TIAM1: variants seen among roughly 807,000 people sequenced by gnomAD.
TIAM1 encodes rho guanine nucleotide exchange factor TIAM1.
In TIAM1, 65 loss-of-function variants were observed where a neutral mutation model predicts 163.5. The ratio of observed to expected loss-of-function variants is 0.40; its 90% CI spans 0.33 to 0.49. The LOEUF (loss-of-function observed/expected upper bound fraction) is 0.49, where lower values mean the gene tolerates loss of function less well. TIAM1 is among the 20% of genes least tolerant of loss of function. The probability of loss-of-function intolerance (pLI) is 0.77; values close to 1 mark genes in which losing one functional copy is unlikely to be tolerated. For missense variants in TIAM1, 1,789 were observed against 2,044.7 expected (o/e 0.87, Z 2.41); for synonymous variants, 833 against 810.1 (o/e 1.03, Z -0.48).
rs113557200 is a variant in TIAM1 at position 31,538,330 on chromosome 21, G to C, written c.-422+20597C>G. On this transcript the variant is annotated intron_variant, in intron 1 of 28. Transcript: ENST00000286827. ...GGTTGAGACAGAAGGAATGCATGAGGCCAGAAGTTTGAGACCAGCCTGGGC... is the reference window on the plus strand; with the variant it reads ...GGTTGAGACAGAAGGAATGCATGAGCCCAGAAGTTTGAGACCAGCCTGGGC... Among the ~76,000 whole-genome samples, 415 of 152,226 alleles carry C rather than the reference G, an allele frequency of 2.7e-3. 1 individual carries two copies. The highest frequency in any genetic ancestry group is 9.3e-3 in the African/African-American group (387 of 41,544).
intron 25 of TIAM1, among the ~76,000 whole-genome samples, chr21:31,128,099 T>C (rs1319763898): frequency 6.6e-6 from 1 of 152,258 alleles, no homozygotes; most frequent in African/African-American, 2.4e-5. Context: ...ACTGCAGACA[T>C]TCAGGCCATA....
intron 1 of TIAM1, among the ~76,000 whole-genome samples, chr21:31,516,349 T>C (rs997367415): frequency 6.6e-6 from 1 of 151,504 alleles, no homozygotes; most frequent in East Asian, 1.9e-4. Flanking sequence ...GAGGTGGAGG[T>C]TGCACTGAGC....
At chr21:31,267,993 T>A (rs2072880235) in intron 3 of TIAM1, among the ~76,000 whole-genome samples, 1 of 152,102 alleles carries the variant, frequency 6.6e-6, no homozygotes, top group Non-Finnish European at 1.5e-5. Flanking sequence ...AAGAGAAAAA[T>A]CTTCAAAGCT....
intron 10 of TIAM1, among the ~76,000 whole-genome samples, chr21:31,211,845 C>G (rs1238640152): frequency 6.6e-6 from 1 of 152,156 alleles, no homozygotes; most frequent in Non-Finnish European, 1.5e-5. Context: ...GCATTCTAGC[C>G]AGGATGTGGG....
At position 31,395,470 on chromosome 21, in the gene TIAM1, C is replaced by T. The variant is rs1468472967; in HGVS notation, c.-368-56048G>A. 6.6e-5 allele frequency among the ~76,000 whole-genome samples: 10 copies of T among 152,074 alleles called. No individual in the cohort carries two copies. Among genetic ancestry groups the T allele is most frequent in the Admixed American group, 6.5e-4 (10 of 15,270 alleles). On this transcript the variant is annotated intron_variant, in intron 2 of 28. Coordinates refer to the TIAM1 transcript ENST00000286827. The surrounding 1 kb of genome is among the most constrained non-coding windows in gnomAD (Gnocchi z 7.5). ...GCAGGGAAAATTGGACAAGAGGGGC[C>T]CTCGGAGACCGAGGTCATCTAAACA... is the stretch of plus-strand genomic sequence containing the variant.
chr21:31,551,376 C>G (rs1436131092), intron 1 of TIAM1, among the ~76,000 whole-genome samples: 2 of 151,866 alleles, frequency 1.3e-5, no homozygotes, highest in African/African-American at 4.8e-5. Flanking sequence ...TGCCATTGCA[C>G]TCCAGCCTGG....
At chr21:31,291,232 G>A (rs1039639070) in intron 2 of TIAM1, among the ~76,000 whole-genome samples, 7 of 152,228 alleles carry the variant, frequency 4.6e-5, no homozygotes, top group African/African-American at 1.7e-4. Flanking sequence ...CAGTTCTACA[G>A]TCTGGAAGAA....
chr21:31,543,494 A>AT (rs1233256035), intron 1 of TIAM1, among the ~76,000 whole-genome samples: 1 of 134,884 alleles, frequency 7.4e-6, no homozygotes, highest in Admixed American at 7.7e-5. Flanking sequence ...AAGCTAGACT[A>AT]TAACAACACA....
chr21:31,361,419 T>C (rs530919811), intron 2 of TIAM1, among the ~76,000 whole-genome samples: 4 of 152,180 alleles, frequency 2.6e-5, no homozygotes, highest in African/African-American at 7.2e-5. Context: ...AAAATTGTGA[T>C]TGAGGATGGG....
intron 2 of TIAM1, among the ~76,000 whole-genome samples, chr21:31,335,986 TGTTA>T (rs1569237663): frequency 6.6e-6 from 1 of 152,102 alleles, no homozygotes; most frequent in Non-Finnish European, 1.5e-5. Context: ...TCATGTATTC[TGTTA>T]GAGATCACAA....
In TIAM1 at chr21:31,251,916, T is replaced by C. The variant is rs2071830363; in HGVS notation, c.1237A>G (p.Ser413Gly). Reference sequence around the variant, plus strand: ...CCCGGAGAGCTCAGGGTGCCGCTGCTCTGCTCATCGCTGTGCGCCGAGCCG... The same window carrying C: ...CCCGGAGAGCTCAGGGTGCCGCTGCCCTGCTCATCGCTGTGCGCCGAGCCG... ...EAGSAHSDEQ[S>G]SGTLSSPGQS... is the part of the protein sequence containing the mutation. Residue 413 changes from serine to glycine, a missense_variant, in exon 5 of 28, where the codon AGC becomes GGC. By Grantham distance (56) the Ser-to-Gly change is moderately conservative (BLOSUM62 0). Transcript: ENST00000541036. The C allele has an allele frequency of 2.5e-6, 4 of 1,613,694 alleles. No individual in the cohort carries two copies. Among genetic ancestry groups the C allele is most frequent in the South Asian group, 2.2e-5 (2 of 91,070 alleles).
rs142053458 is a variant in TIAM1 at position 31,507,379 on chromosome 21, G to A, written c.-421-43344C>T. Among the ~76,000 whole-genome samples, 1,162 of 150,802 alleles carry A rather than the reference G, an allele frequency of 7.7e-3. 20 individuals carry two copies. Among genetic ancestry groups the A allele is most frequent in the African/African-American group, 0.026 (1,062 of 41,036 alleles). On this transcript the variant is annotated intron_variant, in intron 1 of 28. Transcript: ENST00000286827. ...GCCACCATGCCCCGCTAATTTTTTT[G>A]TATTCTTAGTAGAGATGGGGTTTCA... is the stretch of plus-strand genomic sequence containing the variant.
chr21:31,469,017 T>C (rs1380611688), intron 1 of TIAM1, among the ~76,000 whole-genome samples: 1 of 150,434 alleles, frequency 6.6e-6, no homozygotes, highest in African/African-American at 2.4e-5. Flanking sequence ...TCCCTTTTTC[T>C]CTCAGGCTTC....
chr21:31,508,153 T>G (rs1037646615), intron 1 of TIAM1, among the ~76,000 whole-genome samples: 1 of 152,112 alleles, frequency 6.6e-6, no homozygotes, highest in Non-Finnish European at 1.5e-5. Context: ...CCTTAGAGCC[T>G]TCAGAGTGAA....
At chr21:31,436,530 G>A (rs1255191906) in intron 2 of TIAM1, among the ~76,000 whole-genome samples, 3 of 151,832 alleles carry the variant, frequency 2.0e-5, no homozygotes, top group East Asian at 3.9e-4. Context: ...AGGAGACTGA[G>A]GCACAAGAAT....
At chr21:31,406,824 C>T (rs1192337435) in intron 2 of TIAM1, among the ~76,000 whole-genome samples, 1 of 152,166 alleles carries the variant, frequency 6.6e-6, no homozygotes, top group Non-Finnish European at 1.5e-5. Context: ...AAAAAATCAA[C>T]AAACTCCCAA....
At chr21:31,327,847 T>A (rs1361574800) in intron 2 of TIAM1, among the ~76,000 whole-genome samples, 2 of 151,758 alleles carry the variant, frequency 1.3e-5, no homozygotes, top group Non-Finnish European at 2.9e-5. Flanking sequence ...GTGCGTAGTC[T>A]CCTCCCAACG....
At chr21:31,332,091 T>A (rs2075694036) in intron 2 of TIAM1, among the ~76,000 whole-genome samples, 1 of 152,162 alleles carries the variant, frequency 6.6e-6, no homozygotes, top group Non-Finnish European at 1.5e-5. Flanking sequence ...TACTTCCAGA[T>A]CCTATTTTTT....
At chr21:31,371,583 G>A (rs1049475716) in intron 2 of TIAM1, among the ~76,000 whole-genome samples, 1 of 152,144 alleles carries the variant, frequency 6.6e-6, no homozygotes, top group Non-Finnish European at 1.5e-5. Context: ...CAAGAGCAAC[G>A]TTTCTCTAGA....
Sources: allele counts gnomAD v4.1 joint callset (sites outside exome capture counted in the v4.1 genomes callset), GRCh38; gene constraint gnomAD v4.1.1; non-coding constraint Gnocchi (gnomAD v3.1); transcripts MANE v1.5; gene names NCBI Gene and HGNC (gene_info 2026-07-23, HGNC 2026-07-21).